Variants in RAB20 observed in about 807,000 individuals in gnomAD.
RAB20 encodes the protein ras-related protein Rab-20.
Under a neutral mutation model 3.7 loss-of-function variants are expected in RAB20, and 2 were observed. The ratio of observed to expected loss-of-function variants is 0.54; its 90% CI spans 0.22 to 1.69. The LOEUF is 1.69. RAB20 is among the 40% of genes most tolerant of loss of function. RAB20 has a pLI of 0.19. For missense variants in RAB20, 276 were observed against 311.9 expected (o/e 0.88, Z 0.87); for synonymous variants, 126 against 130.8 (o/e 0.96, Z 0.25).
At chr13:110,550,176 C>A (rs907376712) in intron 1 of RAB20, among the ~76,000 whole-genome samples, 1 of 152,180 alleles carries the variant, frequency 6.6e-6, no homozygotes, top group Admixed American at 6.5e-5. Flanking sequence ...CACCCCCATG[C>A]CACAAGGGCA....
At chr13:110,548,595 G>A (rs1884895355) in intron 1 of RAB20, among the ~76,000 whole-genome samples, 1 of 152,208 alleles carries the variant, frequency 6.6e-6, no homozygotes, top group East Asian at 1.9e-4. Flanking sequence ...GGGCTCACCT[G>A]ATTTCTTGGT....
intron 1 of RAB20, among the ~76,000 whole-genome samples, chr13:110,542,777 T>C (rs1490444935): frequency 6.6e-6 from 1 of 152,186 alleles, no homozygotes; most frequent in Non-Finnish European, 1.5e-5. Context: ...AGTGCAGACA[T>C]CTCTGAGAAA....
intron 1 of RAB20, among the ~76,000 whole-genome samples, chr13:110,527,731 C>G (rs150343497): frequency 3.9e-5 from 6 of 152,180 alleles, no homozygotes; most frequent in African/African-American, 1.4e-4. Flanking sequence ...GACAGTGTCC[C>G]CGGAATCCAC....
intron 1 of RAB20, among the ~76,000 whole-genome samples, chr13:110,540,742 C>CAAAAAAAA (rs57711956): frequency 7.0e-6 from 1 of 142,284 alleles, no homozygotes; most frequent in African/African-American, 2.6e-5. Context: ...AACTCCGTCT[C>CAAAAAAAA]AAAAAAAAAA....
At chr13:110,543,514 T>A (rs113088322) in intron 1 of RAB20, among the ~76,000 whole-genome samples, 49 of 152,348 alleles carry the variant, frequency 3.2e-4, no homozygotes, top group African/African-American at 1.1e-3. Context: ...TAATCCCTTA[T>A]CAGCTGTATG....
chr13:110,539,999 C>G (rs1884728971), intron 1 of RAB20, among the ~76,000 whole-genome samples: 1 of 152,230 alleles, frequency 6.6e-6, no homozygotes, highest in South Asian at 2.1e-4. Context: ...TAGAGTAGTT[C>G]CACCTGTGGC....
intron 1 of RAB20, among the ~76,000 whole-genome samples, chr13:110,547,569 C>T (rs1007845346): frequency 4.6e-5 from 7 of 152,158 alleles, no homozygotes; most frequent in African/African-American, 1.7e-4. Context: ...CTTTAGGATC[C>T]AAGTCACTTC....
At chr13:110,553,309 C>T (rs1884987878) in intron 1 of RAB20, among the ~76,000 whole-genome samples, 1 of 152,244 alleles carries the variant, frequency 6.6e-6, no homozygotes, top group Admixed American at 6.5e-5. Flanking sequence ...GCTCAGTACA[C>T]ACACACAGTA....
intron 1 of RAB20, among the ~76,000 whole-genome samples, chr13:110,531,793 G>A (rs931832995): frequency 8.5e-5 from 13 of 152,168 alleles, no homozygotes; most frequent in South Asian, 4.1e-4. Context: ...AATCTTCTAC[G>A]TTTCTTATTC....
At chr13:110,524,282 A>AG (rs34155937) in intron 1 of RAB20, 85 bp from the exon 2 acceptor site, 1 of 1,477,734 alleles carries the variant, frequency 6.8e-7, no homozygotes, top group Non-Finnish European at 8.9e-7. Context: ...AACGTCCCAC[A>AG]GGGATGTTTA....
chr13:110,544,548 A>T lies in RAB20; in HGVS notation c.172+16800T>A, dbSNP rs532747862. Among the ~76,000 whole-genome samples, 46 of 152,350 alleles carry T rather than the reference A, an allele frequency of 3.0e-4. No individual in the cohort carries two copies. The South Asian group carries it at 9.3e-3, about 31-fold the overall frequency. On this transcript the variant is annotated intron_variant, in intron 1 of 1. Transcript: ENST00000267328. ...ATTTTCCAAAAAGGGCAAAATCATG[A>T]CTCTAATACAGATGTAAAAATAAAG... is the stretch of plus-strand genomic sequence containing the variant.
chr13:110,540,771 A>AT (rs1291053256), intron 1 of RAB20, among the ~76,000 whole-genome samples: 1 of 142,302 alleles, frequency 7.0e-6, no homozygotes, highest in Non-Finnish European at 1.5e-5. Flanking sequence ...AAAATAGTAA[A>AT]TTTTGTTATG....
At chr13:110,540,740 C>T (rs1884743600) in intron 1 of RAB20, among the ~76,000 whole-genome samples, 1 of 31,754 alleles carries the variant, frequency 3.1e-5, no homozygotes, top group South Asian at 2.1e-3. Flanking sequence ...GAAACTCCGT[C>T]TCAAAAAAAA....
intron 1 of RAB20, among the ~76,000 whole-genome samples, chr13:110,542,636 C>T (rs1452921810): frequency 1.3e-5 from 2 of 152,184 alleles, no homozygotes; most frequent in Non-Finnish European, 1.5e-5. Flanking sequence ...TCCGGGTTCA[C>T]AAACAACAGG....
intron 1 of RAB20, among the ~76,000 whole-genome samples, chr13:110,537,572 A>G (rs567700323): frequency 1.3e-5 from 2 of 151,744 alleles, no homozygotes; most frequent in South Asian, 4.2e-4. Flanking sequence ...AAACAGACCA[A>G]CCTCAGGGTG....
At chr13:110,538,188 G>A (rs1358526062) in intron 1 of RAB20, among the ~76,000 whole-genome samples, 3 of 148,620 alleles carry the variant, frequency 2.0e-5, no homozygotes, top group South Asian at 2.1e-4. Context: ...GCAGTGAGCC[G>A]TGGTTGTGCC....
chr13:110,536,904 T>C (rs1262209717), intron 1 of RAB20, among the ~76,000 whole-genome samples: 1 of 149,716 alleles, frequency 6.7e-6, no homozygotes, highest in Non-Finnish European at 1.5e-5. Flanking sequence ...ACATTAGGTA[T>C]ATCTCCTAAT....
Position 110,561,643 on chromosome 13 carries a change from C to T in RAB20, c.-124G>A. 7.1e-7 allele frequency: 1 copy of T among 1,418,416 alleles called. No homozygotes were observed. The allele number at this position is 1,418,416 out of a possible 1,614,324, so 87.9% of individuals were successfully genotyped here. On this transcript the variant is annotated 5_prime_UTR_variant, in exon 1 of 2. Coordinates refer to ENST00000267328, the MANE Select transcript of RAB20 (RefSeq NM_017817.3). ...GGGACCCGGATTCTCGTGAACGCTCCGGGACCTTCGCCTCCGGACGCCCGG... is the reference window on the plus strand; with the variant it reads ...GGGACCCGGATTCTCGTGAACGCTCTGGGACCTTCGCCTCCGGACGCCCGG...
At chr13:110,558,743 G>T (rs181638437) in intron 1 of RAB20, among the ~76,000 whole-genome samples, 261 of 144,188 alleles carry the variant, frequency 1.8e-3, no homozygotes, top group African/African-American at 6.6e-3. Flanking sequence ...TCTGTCACCG[G>T]GTTGGAGTGC....
Sources: allele counts gnomAD v4.1 joint callset (sites outside exome capture counted in the v4.1 genomes callset), GRCh38; gene constraint gnomAD v4.1.1; transcripts MANE v1.5; gene names NCBI Gene and HGNC (gene_info 2026-07-23, HGNC 2026-07-21).